The following TMTC2 variants were observed in gnomAD, a reference collection of about 807,000 sequenced individuals.
TMTC2 encodes the protein transmembrane O-mannosyltransferase targeting cadherins 2.
TMTC2 carries 43 observed loss-of-function variants against 82.4 expected under a neutral mutation model. That is an observed-to-expected ratio of 0.52 (90% CI 0.41 to 0.67). The LOEUF (loss-of-function observed/expected upper bound fraction) is 0.67, where lower values mean the gene tolerates loss of function less well. TMTC2 is among the 30% of genes least tolerant of loss of function. The pLI, the probability that TMTC2 is intolerant of heterozygous loss-of-function variation, is 0.00. For synonymous variants in TMTC2, 408 were observed against 381.9 expected (o/e 1.07, Z -0.80); for missense variants, 919 against 1,012.4 (o/e 0.91, Z 1.25).
intron 11 of TMTC2, among the ~76,000 whole-genome samples, chr12:83,067,453 G>A (rs1882960382): frequency 6.6e-6 from 1 of 151,986 alleles, no homozygotes. Flanking sequence ...AGTGGGGGGT[G>A]CAAAGGAAAT....
intron 1 of TMTC2, among the ~76,000 whole-genome samples, chr12:82,850,461 T>G (rs919521258): frequency 6.6e-6 from 1 of 151,998 alleles, no homozygotes; most frequent in Admixed American, 6.6e-5. Flanking sequence ...AGTCATATAA[T>G]GGAGAAGTCA....
intron 1 of TMTC2, among the ~76,000 whole-genome samples, chr12:82,844,148 G>T (rs1307553313): frequency 1.3e-5 from 2 of 152,152 alleles, no homozygotes; most frequent in Non-Finnish European, 2.9e-5. Flanking sequence ...TCAGGCTGAG[G>T]AGTCAGTGGA....
chr12:82,806,531 C>A (rs1048482390), intron 1 of TMTC2, among the ~76,000 whole-genome samples: 12 of 152,248 alleles, frequency 7.9e-5, no homozygotes, highest in African/African-American at 2.6e-4. Flanking sequence ...GGGCACCAAG[C>A]TCCGTGCAGT....
At chr12:83,009,745 G>A (rs1880369146) in intron 8 of TMTC2, among the ~76,000 whole-genome samples, 1 of 152,050 alleles carries the variant, frequency 6.6e-6, no homozygotes, top group African/African-American at 2.4e-5. Flanking sequence ...TATAACAGTG[G>A]CCCCCATCCT....
intron 1 of TMTC2, among the ~76,000 whole-genome samples, chr12:82,771,040 C>G (rs1303222285): frequency 6.6e-6 from 1 of 151,920 alleles, no homozygotes; most frequent in Non-Finnish European, 1.5e-5. Context: ...AACCCTGTCT[C>G]TACTAAAAAT....
chr12:82,995,092 C>T (rs982524276), intron 8 of TMTC2, among the ~76,000 whole-genome samples: 1 of 152,074 alleles, frequency 6.6e-6, no homozygotes, highest in Non-Finnish European at 1.5e-5. Context: ...ATGAGTTAAA[C>T]TTTTTAGTTT....
At position 83,134,402 on chromosome 12, in the gene TMTC2, A is replaced by G. The variant is rs1885370433; in HGVS notation, c.*2013A>G. 1.3e-5 allele frequency: 2 copies of G among 152,068 alleles called. No individual in the cohort carries two copies. The highest frequency in any genetic ancestry group is 4.1e-4 in the South Asian group (2 of 4,826). The allele number at this position is 152,068 out of a possible 1,614,324, so 9.4% of individuals were successfully genotyped here. ...GATGACTTTCTAGTCTTAACATTTT[A>G]TCTTTTTATTGTTGTTGTTCTTCCT... On this transcript the variant is annotated 3_prime_UTR_variant, in exon 12 of 12. Transcript: ENST00000321196.
intron 1 of TMTC2, among the ~76,000 whole-genome samples, chr12:82,782,271 C>G (rs1877945684): frequency 6.6e-6 from 1 of 151,894 alleles, no homozygotes; most frequent in South Asian, 2.1e-4. Context: ...TAAATGGTCC[C>G]AGGTTAAGAA....
intron 3 of TMTC2, among the ~76,000 whole-genome samples, chr12:82,910,520 C>A (rs575058112): frequency 6.6e-6 from 1 of 152,328 alleles, no homozygotes; most frequent in Non-Finnish European, 1.5e-5. Context: ...ATTAGACCCC[C>A]TTCCTTATCA....
chr12:82,761,411 G>T (rs566656189), intron 1 of TMTC2, among the ~76,000 whole-genome samples: 1 of 152,152 alleles, frequency 6.6e-6, no homozygotes. Context: ...AGTGTCAGTT[G>T]GGATGGAGAT....
At chr12:82,843,362 C>G (rs977373899) in intron 1 of TMTC2, among the ~76,000 whole-genome samples, 1 of 151,970 alleles carries the variant, frequency 6.6e-6, no homozygotes, top group African/African-American at 2.4e-5. Context: ...GCTGGGATTA[C>G]AGGCGTGAGC....
intron 2 of TMTC2, among the ~76,000 whole-genome samples, chr12:82,870,422 A>G (rs1185068126): frequency 6.6e-6 from 1 of 152,196 alleles, no homozygotes; most frequent in Non-Finnish European, 1.5e-5. Context: ...CTTTACTAAC[A>G]TGGTGTTACT....
chr12:83,104,944 G>C (rs558527553), intron 11 of TMTC2, among the ~76,000 whole-genome samples: 1 of 152,176 alleles, frequency 6.6e-6, no homozygotes, highest in Non-Finnish European at 1.5e-5. Flanking sequence ...AGAGTAGGCT[G>C]TTAGAAGCAG....
chr12:83,041,946 G>T (rs967724295), intron 9 of TMTC2, among the ~76,000 whole-genome samples: 1 of 152,186 alleles, frequency 6.6e-6, no homozygotes, highest in African/African-American at 2.4e-5. Flanking sequence ...AAACACATTG[G>T]TGGGGCAGGG....
intron 11 of TMTC2, among the ~76,000 whole-genome samples, chr12:83,080,037 T>C (rs1883410721): frequency 6.6e-6 from 1 of 152,190 alleles, no homozygotes. Context: ...TGCGTGTGCT[T>C]AGTTTTCCCT....
chr12:82,900,557 A>C (rs1054987061), intron 3 of TMTC2, among the ~76,000 whole-genome samples: 12 of 133,642 alleles, frequency 9.0e-5, no homozygotes, highest in East Asian at 4.6e-4. Flanking sequence ...GAATATAGAT[A>C]TGTAGGAATG....
intron 7 of TMTC2, among the ~76,000 whole-genome samples, chr12:82,974,982 G>C (rs1211408107): frequency 6.6e-6 from 1 of 152,142 alleles, no homozygotes; most frequent in African/African-American, 2.4e-5. Context: ...TGCTGTGGGA[G>C]AGAAGAGTTC....
intron 8 of TMTC2, among the ~76,000 whole-genome samples, chr12:82,997,346 G>GTA (rs1221254720): frequency 0.013 from 385 of 29,196 alleles, 27 homozygotes; most frequent in African/African-American, 0.033. Flanking sequence ...GTGTGTGTGT[G>GTA]TGTATATATA....
intron 1 of TMTC2, among the ~76,000 whole-genome samples, chr12:82,746,700 A>G (rs188205125): frequency 6.6e-6 from 1 of 152,338 alleles, no homozygotes; most frequent in East Asian, 1.9e-4. Flanking sequence ...TGATTGTCCA[A>G]ATGGGCATGA....
Sources: gnomAD v4.1 joint callset for allele counts (sites outside exome capture counted in the v4.1 genomes callset) on GRCh38, gnomAD v4.1.1 for gene constraint, MANE v1.5 for transcripts, NCBI Gene and HGNC (gene_info 2026-07-23, HGNC 2026-07-21) for gene names.